The following DRC1 variants were observed in gnomAD, a reference collection of about 807,000 sequenced individuals.
DRC1 encodes dynein regulatory complex protein 1.
A neutral mutation model predicts 98.7 loss-of-function variants in DRC1; 74 were observed. The ratio of observed to expected loss-of-function variants is 0.75; its 90% CI spans 0.62 to 0.91. The LOEUF (loss-of-function observed/expected upper bound fraction) is 0.91. Ranked by LOEUF, DRC1 falls within the 40% of genes least tolerant of loss-of-function variation. The pLI is 0.00. For missense variants in DRC1, 875 were observed against 886.0 expected (o/e 0.99, Z 0.16); for synonymous variants, 336 against 334.1 (o/e 1.01, Z -0.06).
At chr2:26,406,418 A>G (rs1678428506) in intron 1 of DRC1, among the ~76,000 whole-genome samples, 2 of 152,188 alleles carry the variant, frequency 1.3e-5, no homozygotes, top group Admixed American at 6.5e-5. Context: ...AATGTCATAT[A>G]AAGAGTACAG....
At chr2:26,423,021 G>C (rs1473653885) in intron 3 of DRC1, among the ~76,000 whole-genome samples, 4 of 152,040 alleles carry the variant, frequency 2.6e-5, no homozygotes, top group Admixed American at 1.3e-4. Flanking sequence ...AGCATAAGCA[G>C]TTCCCTCTTT....
At chr2:26,416,680 TCC>T (rs1678817034) in intron 2 of DRC1, among the ~76,000 whole-genome samples, 1 of 152,298 alleles carries the variant, frequency 6.6e-6, no homozygotes, top group Admixed American at 6.5e-5. Flanking sequence ...GATCATCCTT[TCC>T]CCACTGCATT....
intron 8 of DRC1, 56 bp downstream of exon 8, chr2:26,440,573 T>A (rs1049327029): frequency 6.5e-7 from 1 of 1,548,492 alleles, no homozygotes; most frequent in African/African-American, 1.4e-5. Context: ...AGAATAGGGA[T>A]GGATATGTAC....
chr2:26,443,947 G>C (rs1663784864), intron 8 of DRC1, among the ~76,000 whole-genome samples: 1 of 152,068 alleles, frequency 6.6e-6, no homozygotes, highest in Non-Finnish European at 1.5e-5. Flanking sequence ...TTGTGAAGTA[G>C]GTTCTGTCCA....
At position 26,410,643 on chromosome 2, in the gene DRC1, C is replaced by T. The variant is rs530049380; in HGVS notation, c.156-3701C>T. On this transcript the variant is annotated intron_variant, in intron 1 of 16. Transcript: ENST00000288710. Reference sequence around the variant, plus strand: ...GATCCAGAAAGAATGGAGCAGGGAGCATATTATCATGGAAAGAATTCAAGA... The same window carrying T: ...GATCCAGAAAGAATGGAGCAGGGAGTATATTATCATGGAAAGAATTCAAGA... Among the ~76,000 whole-genome samples, 3 of 152,166 alleles carry T rather than the reference C, an allele frequency of 2.0e-5. No individual in the cohort carries two copies. In the South Asian group the frequency reaches 6.2e-4, roughly 32 times the overall value.
At chr2:26,447,321 G>A (rs1663881266) in intron 10 of DRC1, among the ~76,000 whole-genome samples, 1 of 151,796 alleles carries the variant, frequency 6.6e-6, no homozygotes, top group Non-Finnish European at 1.5e-5. Context: ...GCTGAGGCAG[G>A]AGAATCACTT....
intron 1 of DRC1, among the ~76,000 whole-genome samples, chr2:26,411,102 A>C (rs1398378417): frequency 6.6e-6 from 1 of 152,202 alleles, no homozygotes; most frequent in East Asian, 1.9e-4. Context: ...GGTGGTGAGG[A>C]AACAGCTTCC....
At chr2:26,430,133 A>G (rs952325493) in intron 5 of DRC1, among the ~76,000 whole-genome samples, 21 of 152,180 alleles carry the variant, frequency 1.4e-4, no homozygotes, top group African/African-American at 4.3e-4. Context: ...TTGGGGAATA[A>G]AAAAGGGGGA....
chr2:26,409,827 C>T (rs1678540577), intron 1 of DRC1, among the ~76,000 whole-genome samples: 1 of 151,730 alleles, frequency 6.6e-6, no homozygotes, highest in Non-Finnish European at 1.5e-5. Context: ...CTTTTTAGTT[C>T]TTGTCATGAG....
At chr2:26,445,268 G>A (rs1663823585) in intron 10 of DRC1, among the ~76,000 whole-genome samples, 2 of 152,182 alleles carry the variant, frequency 1.3e-5, no homozygotes, top group African/African-American at 4.8e-5. Flanking sequence ...CATTGTCTAA[G>A]ATCCATTAAC....
intron 1 of DRC1, among the ~76,000 whole-genome samples, chr2:26,410,295 G>C (rs552697000): frequency 6.7e-6 from 1 of 148,942 alleles, no homozygotes; most frequent in Non-Finnish European, 1.5e-5. Context: ...TTTTGATACG[G>C]AGTTTCACTC....
intron 1 of DRC1, among the ~76,000 whole-genome samples, chr2:26,411,243 T>A (rs910488890): frequency 7.2e-5 from 11 of 152,240 alleles, no homozygotes; most frequent in African/African-American, 2.4e-4. Context: ...GCCACATATG[T>A]CATTTCAAGT....
chr2:26,424,823 A>G (rs1263980073), intron 4 of DRC1, among the ~76,000 whole-genome samples: 2 of 152,086 alleles, frequency 1.3e-5, no homozygotes, highest in African/African-American at 4.8e-5. Context: ...ATGGTGGCAC[A>G]TACCTGTAAT....
At chr2:26,415,760 C>T (rs59236694) in intron 2 of DRC1, among the ~76,000 whole-genome samples, 1,706 of 152,160 alleles carry the variant, frequency 0.011, 37 homozygotes, top group African/African-American at 0.038. Flanking sequence ...GGTGAAACCT[C>T]GTCTCTACTA....
At chr2:26,417,635 T>C (rs1572357539) in intron 2 of DRC1, among the ~76,000 whole-genome samples, 1 of 152,240 alleles carries the variant, frequency 6.6e-6, no homozygotes, top group East Asian at 1.9e-4. Flanking sequence ...AGCCTTGTCT[T>C]GGCTATTCTT....
intron 1 of DRC1, among the ~76,000 whole-genome samples, chr2:26,405,653 C>CTTTTTTTTTTTTTTTTTTTTTTTTT (rs10601492): frequency 1.9e-5 from 1 of 53,564 alleles, no homozygotes; most frequent in African/African-American, 6.9e-5. Flanking sequence ...AAGGCTATAT[C>CTTTTTTTTTTTTTTTTTTTTTTTTT]TTTTTTTTTT....
chr2:26,440,609 C>A, intron 8 of DRC1, 92 bp downstream of exon 8: 1 of 1,386,996 alleles, frequency 7.2e-7, no homozygotes, highest in South Asian at 2.0e-5. Context: ...GGGTAGAAAC[C>A]ATTAAAAATA....
At chr2:26,455,032 C>T in intron 15 of DRC1, 99 bp from the exon 16 acceptor site, 1 of 1,437,784 alleles carries the variant, frequency 7.0e-7, no homozygotes, top group Non-Finnish European at 9.8e-7. Flanking sequence ...CTGGAGTCTC[C>T]CTCCACCTGT....
intron 7 of DRC1, among the ~76,000 whole-genome samples, chr2:26,435,332 G>T (rs1663542204): frequency 6.6e-6 from 1 of 152,184 alleles, no homozygotes; most frequent in Non-Finnish European, 1.5e-5. Context: ...TTTGCCATTA[G>T]TCTTGGGAAC....
Sources: allele counts gnomAD v4.1 joint callset (sites outside exome capture counted in the v4.1 genomes callset), GRCh38; gene constraint gnomAD v4.1.1; transcripts MANE v1.5; gene names NCBI Gene and HGNC (gene_info 2026-07-23, HGNC 2026-07-21).